PIGX: variants seen among roughly 807,000 people sequenced by gnomAD.
PIGX encodes the protein GPI alpha-1,4-mannosyltransferase I, stabilizing subunit.
Under a neutral mutation model 28.7 loss-of-function variants are expected in PIGX, and 24 were observed. That is an observed-to-expected ratio of 0.84 (90% CI 0.60 to 1.17). PIGX has a LOEUF of 1.17. PIGX is among the 50% of genes most tolerant of loss of function. The pLI is 0.00. For synonymous variants in PIGX, 127 were observed against 121.0 expected (o/e 1.05, Z -0.33); for missense variants, 305 against 317.8 (o/e 0.96, Z 0.31).
At chr3:196,728,183 G>A in intron 4 of PIGX, 47 bp downstream of exon 4, 1 of 1,497,418 alleles carries the variant, frequency 6.7e-7, no homozygotes, top group Non-Finnish European at 9.3e-7. Flanking sequence ...CAGAATAAAG[G>A]TATGGTGGCA....
chr3:196,725,473 A>G (rs751687098), intron 3 of PIGX, among the ~76,000 whole-genome samples: 2 of 152,176 alleles, frequency 1.3e-5, no homozygotes, highest in Non-Finnish European at 2.9e-5. Context: ...GGGAGGAGAA[A>G]CTCAAGCAGA....
Position 196,730,993 on chromosome 3 carries a change from G to A in PIGX, c.534G>A (p.Glu178=). The stretch of plus-strand genomic sequence containing the variant: ...ATCATTTTCTACCACTTTTCTCAGA[G>A]TTCCCGATTTTGAAATGCTGGGCTC... Residue 178 remains glutamate (E), a splice_region_variant and synonymous_variant, in exon 5 of 6, where the codon GAG becomes GAA. Transcript: ENST00000392391. 1 of 1,601,528 alleles carries A rather than the reference G, an allele frequency of 6.2e-7. No homozygotes were observed. The highest frequency in any genetic ancestry group is 8.6e-7 in the Non-Finnish European group (1 of 1,169,400).
intron 1 of PIGX, among the ~76,000 whole-genome samples, chr3:196,716,093 GC>G (rs1712086262): frequency 6.6e-6 from 1 of 152,082 alleles, no homozygotes; most frequent in East Asian, 1.9e-4. Flanking sequence ...GCTCACTGAA[GC>G]CCCCATCCCC....
chr3:196,721,910 C>T (rs9869690), intron 2 of PIGX, among the ~76,000 whole-genome samples: 56,472 of 151,854 alleles, frequency 0.37, 10,568 homozygotes, highest in East Asian at 0.55. Context: ...TGCCACCATG[C>T]CCGGCTAAAT....
chr3:196,732,982 C>T (rs1278129121), intron 5 of PIGX, among the ~76,000 whole-genome samples: 3 of 152,098 alleles, frequency 2.0e-5, no homozygotes. Flanking sequence ...TAAAAGCTAT[C>T]TGGGGAGAGA....
chr3:196,727,976 G>C lies in PIGX; in HGVS notation c.372G>C (p.Lys124Asn). Residue 124 changes from lysine (K) to asparagine (N), a missense_variant, in exon 4 of 6, where the codon AAG becomes AAC. Physicochemically the swap from Lys to Asn is moderately conservative, Grantham distance 94. Transcript: ENST00000392391. Reference sequence around the variant, plus strand: ...TAGAGGCCCCTAACTATTTGTCCAAGGAGTCTGAAGTTCTCATTTATGCCA... The same window carrying C: ...TAGAGGCCCCTAACTATTTGTCCAACGAGTCTGAAGTTCTCATTTATGCCA... 1.2e-6 allele frequency: 2 copies of C among 1,614,014 alleles called. No homozygotes were observed. The highest frequency in any genetic ancestry group is 1.7e-6 in the Non-Finnish European group (2 of 1,179,918).
At chr3:196,732,242 A>AT (rs1560080604) in intron 5 of PIGX, among the ~76,000 whole-genome samples, 2 of 38,298 alleles carry the variant, frequency 5.2e-5, no homozygotes, top group African/African-American at 1.4e-4. Flanking sequence ...ATATATATAT[A>AT]TATATATATA....
Position 196,722,446 on chromosome 3 carries a change from A to G in PIGX, c.208A>G (p.Ser70Gly). The G allele has an allele frequency of 6.2e-7, 1 of 1,612,190 alleles. No individual in the cohort carries two copies. The change falls in exon 3 of 6, where the codon AGC becomes GGC. Residue 70 changes from serine to glycine, a missense_variant. Ser to Gly is a moderately conservative substitution (Grantham distance 56). Coordinates refer to ENST00000392391, the MANE Select transcript of PIGX (RefSeq NM_017861.4). ...TTTAATCAAAGTGAAGTTTGGGGAA[A>G]GCATTGAGGACTTGCACACCTGCCG...
rs1712977827 is a variant in PIGX, at chr3:196,735,640, T to C, written c.*1738T>C. On this transcript the variant is annotated 3_prime_UTR_variant, in exon 6 of 6. Coordinates refer to ENST00000392391, the MANE Select transcript of PIGX (RefSeq NM_017861.4). ...AAAATTTCAACCCAGTATAGTTTCA[T>C]ACCTATTTCATGCTTTCTCGTAAGA... 6.6e-6 allele frequency: 1 copy of C among 152,226 alleles called. No homozygotes were observed. Among genetic ancestry groups the C allele is most frequent in the Non-Finnish European group, 1.5e-5 (1 of 68,038 alleles). The allele number at this position is 152,226 out of a possible 1,614,324, so 9.4% of individuals were successfully genotyped here.
At position 196,712,585 on chromosome 3, in the gene PIGX, C is replaced by T. The variant is rs1340193875; in HGVS notation, c.53C>T (p.Ala18Val). ...GCGGCCGCCTGGCTGCTCCTCGGGG[C>T]GGCGACCGGGCTCACGCGCGGGCCC... The change falls in exon 1 of 6, where the codon GCG (alanine) becomes GTG (valine). Residue 18 changes from alanine (A) to valine (V), a missense_variant. Physicochemically the swap from Ala to Val is moderately conservative, Grantham distance 64 (BLOSUM62 0). Coordinates refer to ENST00000392391, the MANE Select transcript of PIGX (RefSeq NM_017861.4). 1.7e-6 allele frequency: 2 copies of T among 1,190,264 alleles called. No individual in the cohort carries two copies. Among genetic ancestry groups the T allele is most frequent in the South Asian group, 4.2e-5 (1 of 24,002 alleles). The allele number at this position is 1,190,264 out of a possible 1,614,324, so 73.7% of individuals were successfully genotyped here. A position where few individuals can be genotyped will look rare whatever the true frequency, so the allele number is the denominator to read the frequency against.
At chr3:196,712,932 G>A in intron 1 of PIGX, 2 of 1,019,650 alleles carry the variant, frequency 2.0e-6, no homozygotes, top group Non-Finnish European at 2.3e-6. Flanking sequence ...CAAGCGTCTT[G>A]GGATGCTCTT....
chr3:196,734,755 C>T lies in PIGX; in HGVS notation c.*853C>T, dbSNP rs2108693719. 1 of 152,174 alleles carries T rather than the reference C, an allele frequency of 6.6e-6. No homozygotes were observed. Among genetic ancestry groups the T allele is most frequent in the African/African-American group, 2.4e-5 (1 of 41,510 alleles). 9.4% of individuals were successfully genotyped at this position (152,174 alleles called of 1,614,324 possible). On this transcript the variant is annotated 3_prime_UTR_variant, in exon 6 of 6. Transcript: ENST00000392391. ...TTATTGATTATTCCTTAACGCACTC[C>T]ATTCTCCTTTTACATTTTATCATGT... is the stretch of plus-strand genomic sequence containing the variant.
intron 2 of PIGX, among the ~76,000 whole-genome samples, chr3:196,719,769 A>G (rs934882328): frequency 2.0e-5 from 3 of 151,540 alleles, no homozygotes; most frequent in African/African-American, 7.3e-5. Context: ...GTGATAAAAT[A>G]CCCATAACAT....
At chr3:196,719,592 T>C (rs1712232268) in intron 2 of PIGX, among the ~76,000 whole-genome samples, 1 of 152,204 alleles carries the variant, frequency 6.6e-6, no homozygotes, top group Non-Finnish European at 1.5e-5. Context: ...AATAATTTTA[T>C]TCCATGTCAC....
At chr3:196,721,738 T>C (rs1324559294) in intron 2 of PIGX, among the ~76,000 whole-genome samples, 7 of 150,394 alleles carry the variant, frequency 4.7e-5, no homozygotes, top group African/African-American at 1.8e-4. Context: ...TGAGCCACCA[T>C]CCCCGGCCTA....
chr3:196,713,636 A>G (rs1711939924), intron 1 of PIGX, among the ~76,000 whole-genome samples: 1 of 152,026 alleles, frequency 6.6e-6, no homozygotes, highest in South Asian at 2.1e-4. Context: ...TGGATTTGGT[A>G]ATCTGTAGAG....
rs957535544 is a variant in PIGX at position 196,712,650 on chromosome 3, G to C, written c.112+6G>C. The C allele has an allele frequency of 1.2e-5, 14 of 1,187,404 alleles. No homozygotes were observed. Among genetic ancestry groups the C allele is most frequent in the Middle Eastern group, 3.4e-4 (1 of 2,972 alleles). 73.6% of individuals were successfully genotyped at this position (1,187,404 alleles called of 1,614,324 possible). ...CGCCGCGCGCTCTGACGCCGGTAAG[G>C]GGGGCGGGGCTTGGGGGGCCAGAGC... On this transcript the variant is annotated splice_donor_region_variant and intron_variant, in intron 1 of 5. Transcript: ENST00000392391.
At chr3:196,716,406 A>T (rs1001788369) in intron 1 of PIGX, among the ~76,000 whole-genome samples, 4 of 152,210 alleles carry the variant, frequency 2.6e-5, no homozygotes, top group Non-Finnish European at 5.9e-5. Context: ...AACAAGGATT[A>T]AAATGGAGAT....
At chr3:196,714,485 G>A (rs1184278208) in intron 1 of PIGX, among the ~76,000 whole-genome samples, 2 of 139,558 alleles carry the variant, frequency 1.4e-5, no homozygotes. Flanking sequence ...TTTTTTTTGA[G>A]ACGGAGTCTT....
Sources: allele counts gnomAD v4.1 joint callset (sites outside exome capture counted in the v4.1 genomes callset), GRCh38; gene constraint gnomAD v4.1.1; transcripts MANE v1.5; gene names NCBI Gene and HGNC (gene_info 2026-07-23, HGNC 2026-07-21).